Variants in DNAH11 observed in about 807,000 individuals in gnomAD.
DNAH11 encodes dynein axonemal heavy chain 11.
DNAH11 carries 442 observed loss-of-function variants against 526.0 expected under a neutral mutation model. The observed-to-expected ratio is 0.84, with a 90% confidence interval of 0.78 to 0.91. The LOEUF is 0.91. Among genes scored for constraint, DNAH11 ranks in the 40% least tolerant of loss-of-function variants. DNAH11 has a pLI of 0.00. For synonymous variants in DNAH11, 2,461 were observed against 1,935.9 expected, an observed-to-expected ratio of 1.27 and a Z score of -7.12; for missense variants, 6,989 against 5,448.7, an observed-to-expected ratio of 1.28 and a Z score of -8.90.
rs746980239 is a variant in DNAH11 at position 21,750,321 on chromosome 7, A to G, written c.8897A>G (p.Asn2966Ser). The part of the protein sequence containing the change: ...HALGMVDSRE[N>S]CWKFFMARVR... ...CTGGGCATGGTAGACTCCAGGGAAAACTGTTGGAAATTCTTTATGGCCAGG... is the reference window on the plus strand; with the variant it reads ...CTGGGCATGGTAGACTCCAGGGAAAGCTGTTGGAAATTCTTTATGGCCAGG... The change falls in exon 54 of 82, where the codon AAC becomes AGC. Residue 2966 changes from asparagine to serine, a missense_variant. Transcript: ENST00000409508. 1.2e-6 allele frequency: 2 copies of G among 1,605,946 alleles called. No homozygotes were observed. Among genetic ancestry groups the G allele is most frequent in the South Asian group, 2.2e-5 (2 of 88,968 alleles).
chr7:21,874,095 C>T (rs1216450963), intron 74 of DNAH11, among the ~76,000 whole-genome samples: 1 of 151,464 alleles, frequency 6.6e-6, no homozygotes, highest in East Asian at 1.9e-4. Flanking sequence ...CTGGCCGGAA[C>T]TTGCTTCTTG....
intron 63 of DNAH11, 118 bp from the exon 64 acceptor site, chr7:21,816,349 G>A: frequency 1.3e-6 from 1 of 785,292 alleles, no homozygotes; most frequent in Non-Finnish European, 2.1e-6. Flanking sequence ...AGAATCCACA[G>A]AAAATTATCA....
chr7:21,856,081 T>G (rs1488327523), intron 68 of DNAH11, among the ~76,000 whole-genome samples: 1 of 152,116 alleles, frequency 6.6e-6, no homozygotes, highest in Non-Finnish European at 1.5e-5. Context: ...TGAATTTCTG[T>G]GGCTGCAGGG....
At chr7:21,560,693 C>G (rs992864985) in intron 4 of DNAH11, among the ~76,000 whole-genome samples, 1 of 152,124 alleles carries the variant, frequency 6.6e-6, no homozygotes, top group East Asian at 1.9e-4. Flanking sequence ...TTAGATGGTG[C>G]CCACCCAGAT....
At chr7:21,617,056 T>C (rs977875314) in intron 22 of DNAH11, among the ~76,000 whole-genome samples, 7 of 152,348 alleles carry the variant, frequency 4.6e-5, no homozygotes, top group Non-Finnish European at 8.8e-5. Flanking sequence ...CATTGTCCTT[T>C]ATTTCGTGCT....
In DNAH11 at chr7:21,559,724, T is replaced by A. The variant is rs761709401; in HGVS notation, c.814T>A (p.Leu272Met). ...GCAGCGTTTGTTGAATGGTCTTCAC[T>A]TGTCTCCTCAAGCAGAACTAGATTT... ...SVQRLLNGLH[L>M]SPQAELDFWM... Residue 272 changes from leucine to methionine, a missense_variant, in exon 4 of 82, where the codon TTG becomes ATG. By Grantham distance (15) the Leu-to-Met change is conservative (BLOSUM62 2). Coordinates refer to ENST00000409508, the MANE Select transcript of DNAH11 (RefSeq NM_001277115.2). The A allele has an allele frequency of 2.5e-6, 4 of 1,609,628 alleles. No homozygotes were observed. The highest frequency in any genetic ancestry group is 3.4e-6 in the Non-Finnish European group (4 of 1,177,824).
chr7:21,840,634 A>G (rs1782170963), intron 65 of DNAH11, among the ~76,000 whole-genome samples: 1 of 152,146 alleles, frequency 6.6e-6, no homozygotes, highest in African/African-American at 2.4e-5. Flanking sequence ...TCCTCATAGC[A>G]GGTTCCTAGC....
At chr7:21,646,253 A>G (rs1787353085) in intron 28 of DNAH11, among the ~76,000 whole-genome samples, 2 of 152,212 alleles carry the variant, frequency 1.3e-5, no homozygotes, top group South Asian at 4.1e-4. Flanking sequence ...CCAAGATGAA[A>G]TAACAGGAAC....
At chr7:21,693,275 T>G (rs146853129) in intron 35 of DNAH11, among the ~76,000 whole-genome samples, 1 of 152,346 alleles carries the variant, frequency 6.6e-6, no homozygotes, top group Admixed American at 6.5e-5. Context: ...ATTGATTGAT[T>G]TTCAAATGCT....
chr7:21,587,951 C>A, intron 9 of DNAH11, 113 bp from the exon 10 acceptor site: 1 of 1,000,712 alleles, frequency 1.0e-6, no homozygotes, highest in Non-Finnish European at 1.4e-6. Flanking sequence ...TCACAGGATG[C>A]TTTTAAGATT....
intron 43 of DNAH11, among the ~76,000 whole-genome samples, chr7:21,718,175 A>C (rs2128483097): frequency 6.7e-6 from 1 of 148,514 alleles, no homozygotes; most frequent in African/African-American, 2.6e-5. Context: ...GAAGGTTAGA[A>C]CCATGTTTTA....
chr7:21,859,417 A>C (rs1782972713), intron 68 of DNAH11, among the ~76,000 whole-genome samples: 1 of 152,156 alleles, frequency 6.6e-6, no homozygotes, highest in South Asian at 2.1e-4. Context: ...CCAACCTATA[A>C]ATGCTTTTGT....
At chr7:21,848,643 A>G (rs1399456466) in intron 66 of DNAH11, among the ~76,000 whole-genome samples, 1 of 152,080 alleles carries the variant, frequency 6.6e-6, no homozygotes, top group Non-Finnish European at 1.5e-5. Context: ...CTCTGTATAT[A>G]TAGCTGTAAT....
At chr7:21,819,312 G>A (rs1252400509) in intron 65 of DNAH11, among the ~76,000 whole-genome samples, 2 of 152,202 alleles carry the variant, frequency 1.3e-5, no homozygotes, top group Non-Finnish European at 2.9e-5. Context: ...CTACATCAGG[G>A]TGACTAACTT....
chr7:21,681,765 T>A, intron 31 of DNAH11, 88 bp downstream of exon 31: 1 of 1,537,266 alleles, frequency 6.5e-7, no homozygotes, highest in Non-Finnish European at 9.0e-7. Flanking sequence ...AAGTCGTTGT[T>A]TTTTTGAAAG....
At chr7:21,669,113 C>T (rs1782534437) in intron 30 of DNAH11, among the ~76,000 whole-genome samples, 1 of 152,144 alleles carries the variant, frequency 6.6e-6, no homozygotes, top group Non-Finnish European at 1.5e-5. Flanking sequence ...AGCATTCGTA[C>T]ATCCTCTATT....
intron 42 of DNAH11, among the ~76,000 whole-genome samples, chr7:21,717,083 G>A (rs2128482726): frequency 6.6e-6 from 1 of 152,086 alleles, no homozygotes; most frequent in East Asian, 1.9e-4. Flanking sequence ...ATACATTTTT[G>A]CCCTGTAGAC....
At position 21,901,221 on chromosome 7, in the gene DNAH11, T is replaced by C. The variant is rs1250649305; in HGVS notation, c.13518T>C (p.Val4506=). The C allele has an allele frequency of 6.2e-6, 10 of 1,611,424 alleles. No homozygotes were observed. The highest frequency in any genetic ancestry group is 8.5e-6 in the Non-Finnish European group (10 of 1,178,792). ...GCGAAGAGAAGACTGCAAAATGGGT[T>C]CTGGCTGGAGTGGCTCTGCTTCTAG... ...LKSEEKTAKW[V]LAGVALLLEA is the part of the protein sequence containing the mutation. The change falls in exon 82 of 82, where the codon GTT becomes GTC. Residue 4506 remains valine (V), a synonymous_variant. Coordinates refer to ENST00000409508, the MANE Select transcript of DNAH11 (RefSeq NM_001277115.2).
intron 51 of DNAH11, among the ~76,000 whole-genome samples, chr7:21,746,830 T>C (rs924651824): frequency 2.0e-4 from 31 of 152,134 alleles, no homozygotes; most frequent in African/African-American, 7.0e-4. Flanking sequence ...TCTAAAACCA[T>C]GGTGTTAAAT....
Sources: gnomAD v4.1 joint callset for allele counts (sites outside exome capture counted in the v4.1 genomes callset) on GRCh38, gnomAD v4.1.1 for gene constraint, MANE v1.5 for transcripts, NCBI Gene and HGNC (gene_info 2026-07-23, HGNC 2026-07-21) for gene names.